Variants in RALGAPA1 observed in about 807,000 individuals in gnomAD.
RALGAPA1 encodes the protein ral GTPase-activating protein subunit alpha-1.
RALGAPA1 carries 52 observed loss-of-function variants against 269.6 expected under a neutral mutation model. The observed-to-expected ratio is 0.19, with a 90% CI of 0.15 to 0.24. The LOEUF (loss-of-function observed/expected upper bound fraction) is 0.24. RALGAPA1 is among the 10% of genes least tolerant of loss of function. RALGAPA1 has a pLI of 1.00. For synonymous variants in RALGAPA1, 817 were observed against 1,008.3 expected (o/e 0.81, Z 3.60); for missense variants, 1,917 against 3,013.9 (o/e 0.64, Z 8.52).
At chr14:35,639,225 G>C (rs2061852823) in intron 31 of RALGAPA1, among the ~76,000 whole-genome samples, 1 of 152,144 alleles carries the variant, frequency 6.6e-6, no homozygotes, top group African/African-American at 2.4e-5. Context: ...TCAGCAAGAG[G>C]ATAAAACAAT....
intron 13 of RALGAPA1, among the ~76,000 whole-genome samples, chr14:35,725,406 C>G (rs1198509392): frequency 6.6e-6 from 1 of 152,068 alleles, no homozygotes; most frequent in Non-Finnish European, 1.5e-5. Flanking sequence ...AGCTGAGGAA[C>G]TGGAAGTGAT....
chr14:35,618,943 T>C (rs1029200924), intron 35 of RALGAPA1, among the ~76,000 whole-genome samples: 2 of 152,086 alleles, frequency 1.3e-5, no homozygotes, highest in Non-Finnish European at 2.9e-5. Context: ...CTTTGCTTTT[T>C]CTACATGAGA....
At chr14:35,548,642 C>A (rs2139087667) in intron 40 of RALGAPA1, 104 bp from the exon 41 acceptor site, 2 of 749,616 alleles carry the variant, frequency 2.7e-6, no homozygotes, top group Non-Finnish European at 2.2e-6. Flanking sequence ...CAAAATTAAT[C>A]ATAAAATGCA....
At chr14:35,750,079 A>G (rs935994409) in intron 9 of RALGAPA1, among the ~76,000 whole-genome samples, 3 of 152,052 alleles carry the variant, frequency 2.0e-5, no homozygotes, top group African/African-American at 7.2e-5. Context: ...GTCTTTGTTG[A>G]AAAAGGGGGG....
intron 37 of RALGAPA1, among the ~76,000 whole-genome samples, chr14:35,582,158 G>C (rs1300471461): frequency 6.6e-6 from 1 of 152,166 alleles, no homozygotes; most frequent in African/African-American, 2.4e-5. Context: ...CTTATTCGAG[G>C]TTCCTAGAAC....
chr14:35,747,629 G>A (rs1567145875), intron 10 of RALGAPA1, among the ~76,000 whole-genome samples: 1 of 152,176 alleles, frequency 6.6e-6, no homozygotes, highest in Non-Finnish European at 1.5e-5. Context: ...ATGCAGTGTG[G>A]CACTGAATAA....
chr14:35,692,872 A>C (rs188762689), intron 17 of RALGAPA1, among the ~76,000 whole-genome samples: 99 of 152,118 alleles, frequency 6.5e-4, no homozygotes, highest in Admixed American at 2.6e-3. Context: ...ACTGAGAAAA[A>C]GACTAAATAA....
chr14:35,659,232 G>A, intron 27 of RALGAPA1, 36 bp from the exon 28 acceptor site: 1 of 1,470,072 alleles, frequency 6.8e-7, no homozygotes. Context: ...GGCAATGACT[G>A]AGATTTCACT....
intron 39 of RALGAPA1, among the ~76,000 whole-genome samples, chr14:35,562,121 T>C (rs946735265): frequency 6.6e-6 from 1 of 152,232 alleles, no homozygotes; most frequent in Non-Finnish European, 1.5e-5. Context: ...GTCCATGATA[T>C]TTAAGACCTT....
Position 35,748,831 on chromosome 14 carries a change from T to TAAA in RALGAPA1, c.1012-8_1012-7insTTT. On this transcript the variant is annotated splice_polypyrimidine_tract_variant and splice_region_variant and intron_variant, in intron 9 of 41. Transcript: ENST00000680220. Reference sequence around the variant, plus strand: ...CTAAACTAGCAGCTGCTCTCTAAAATACAAAAAAAAAAAAAAAAGAGAGAA... The same window carrying TAAA: ...CTAAACTAGCAGCTGCTCTCTAAAATAAAACAAAAAAAAAAAAAAAAGAGAGAA... The TAAA allele has an allele frequency of 4.7e-6, 6 of 1,281,776 alleles. No homozygotes were observed. Among genetic ancestry groups the TAAA allele is most frequent in the South Asian group, 4.5e-5 (2 of 44,172 alleles). The allele number at this position is 1,281,776 out of a possible 1,614,324, so 79.4% of individuals were successfully genotyped here.
At chr14:35,621,024 T>C (rs556323092) in intron 35 of RALGAPA1, among the ~76,000 whole-genome samples, 2 of 152,274 alleles carry the variant, frequency 1.3e-5, no homozygotes, top group South Asian at 2.1e-4. Flanking sequence ...TTAAAGTTCA[T>C]ATGGAACCAA....
At chr14:35,618,162 T>G (rs988934783) in intron 35 of RALGAPA1, among the ~76,000 whole-genome samples, 1 of 152,154 alleles carries the variant, frequency 6.6e-6, no homozygotes, top group African/African-American at 2.4e-5. Flanking sequence ...ACCTCAATTC[T>G]AAAAACATAA....
intron 31 of RALGAPA1, among the ~76,000 whole-genome samples, chr14:35,645,690 G>A (rs1291007007): frequency 1.3e-5 from 2 of 150,428 alleles, no homozygotes; most frequent in Admixed American, 6.6e-5. Flanking sequence ...AGATCGCGCC[G>A]GGGCACTCCA....
At chr14:35,702,726 A>AAAAT (rs1555409672) in intron 16 of RALGAPA1, among the ~76,000 whole-genome samples, 14 of 143,500 alleles carry the variant, frequency 9.8e-5, no homozygotes, top group African/African-American at 3.6e-4. Context: ...AAAAAAAAAA[A>AAAAT]ATATATATAT....
intron 1 of RALGAPA1, 35 bp from the exon 2 acceptor site, chr14:35,775,780 T>C (rs753362875): frequency 2.0e-6 from 3 of 1,486,576 alleles, no homozygotes; most frequent in South Asian, 1.4e-5. Context: ...ATTATTTACA[T>C]GTATGTTAAA....
At chr14:35,624,418 T>G (rs2060862436) in intron 35 of RALGAPA1, among the ~76,000 whole-genome samples, 1 of 152,140 alleles carries the variant, frequency 6.6e-6, no homozygotes, top group Non-Finnish European at 1.5e-5. Context: ...TGGATAGGAC[T>G]ATAGCTTGAA....
intron 16 of RALGAPA1, among the ~76,000 whole-genome samples, chr14:35,721,142 A>G (rs977973924): frequency 6.6e-6 from 1 of 152,178 alleles, no homozygotes; most frequent in African/African-American, 2.4e-5. Context: ...ATTGTTCCCA[A>G]CGTTGTTCCT....
chr14:35,567,285 C>A (rs984373721), intron 39 of RALGAPA1, among the ~76,000 whole-genome samples: 1 of 152,182 alleles, frequency 6.6e-6, no homozygotes, highest in Middle Eastern at 3.4e-3. Flanking sequence ...ATCGATCAAC[C>A]TACCAATCAA....
At chr14:35,652,344 TGCCTTTCCAG>T (rs748498164) in intron 30 of RALGAPA1, among the ~76,000 whole-genome samples, 17 of 150,360 alleles carry the variant, frequency 1.1e-4, no homozygotes, top group Non-Finnish European at 2.4e-4. Flanking sequence ...TCTACTCTAT[TGCCTTTCCAG>T]GCCTTTTGTT....
Sources: allele counts gnomAD v4.1 joint callset (sites outside exome capture counted in the v4.1 genomes callset), GRCh38; gene constraint gnomAD v4.1.1; transcripts MANE v1.5; gene names NCBI Gene and HGNC (gene_info 2026-07-23, HGNC 2026-07-21).